The following DPH6 variants were observed in gnomAD, a reference collection of about 807,000 sequenced individuals.
DPH6 encodes diphthine--ammonia ligase.
A neutral mutation model predicts 38.2 loss-of-function variants in DPH6; 33 were observed. The observed-to-expected ratio is 0.86, with a 90% CI of 0.65 to 1.15. The LOEUF (loss-of-function observed/expected upper bound fraction) is 1.15, where lower values mean the gene tolerates loss of function less well. Ranked by LOEUF, DPH6 falls within the 50% of genes most tolerant of loss-of-function variation. The pLI is 0.00. For missense variants in DPH6, 325 were observed against 320.0 expected, an observed-to-expected ratio of 1.02 and a Z score of -0.12; for synonymous variants, 108 against 103.0, an observed-to-expected ratio of 1.05 and a Z score of -0.30.
chr15:35,238,147 T>G (rs1021421368), intron 3 of DPH6: 1 of 907,460 alleles, frequency 1.1e-6, no homozygotes, highest in Non-Finnish European at 1.7e-6. Flanking sequence ...TCCTGCCCCC[T>G]GAAACTTATT....
At chr15:35,502,631 TTACA>T (rs2054641852) in intron 3 of DPH6, among the ~76,000 whole-genome samples, 1 of 151,700 alleles carries the variant, frequency 6.6e-6, no homozygotes, top group Non-Finnish European at 1.5e-5. Context: ...GCTTTTTAAA[TTACA>T]TACAGAAAAA....
chr15:35,262,716 A>AAAAAAAAAAAAAAAG (rs2051756969), intron 3 of DPH6, among the ~76,000 whole-genome samples: 1 of 46,406 alleles, frequency 2.2e-5, no homozygotes, highest in African/African-American at 3.3e-5. Context: ...AAAAAAAAAA[A>AAAAAAAAAAAAAAAG]AAAAAAAAAA....
chr15:35,203,125 T>C, the DPH6 span, among the ~76,000 whole-genome samples: 1 of 151,940 alleles, frequency 6.6e-6, no homozygotes, highest in East Asian at 1.9e-4. Flanking sequence ...GAAACATTAC[T>C]AGTTTTTAAA....
At chr15:35,478,013 C>A (rs182584172) in intron 3 of DPH6, among the ~76,000 whole-genome samples, 1 of 151,872 alleles carries the variant, frequency 6.6e-6, no homozygotes, top group African/African-American at 2.4e-5. Context: ...AAATAGCACA[C>A]AGAGCAAACC....
At chr15:35,512,570 C>T (rs1296249177) in intron 3 of DPH6, among the ~76,000 whole-genome samples, 1 of 151,968 alleles carries the variant, frequency 6.6e-6, no homozygotes, top group African/African-American at 2.4e-5. Flanking sequence ...CACCTTATGC[C>T]TTGTATTACA....
At chr15:35,346,000 T>G (rs2052458679) in intron 3 of DPH6, among the ~76,000 whole-genome samples, 1 of 151,998 alleles carries the variant, frequency 6.6e-6, no homozygotes, top group South Asian at 2.1e-4. Flanking sequence ...ATAAGTAACT[T>G]CACAGAGTGT....
At chr15:35,175,307 G>A in the DPH6 span, among the ~76,000 whole-genome samples, 1 of 152,310 alleles carries the variant, frequency 6.6e-6, no homozygotes, top group East Asian at 1.9e-4. Context: ...TCGACTTTGA[G>A]AGGAAGGAAT....
chr15:35,386,327 T>G (rs1252975172), intron 6 of DPH6, among the ~76,000 whole-genome samples: 1 of 152,240 alleles, frequency 6.6e-6, no homozygotes, highest in Non-Finnish European at 1.5e-5. Flanking sequence ...TGTGTCTTTA[T>G]AGCAGCATGA....
In DPH6 at chr15:35,538,490, A is replaced by C. The variant is rs1479939050; in HGVS notation, c.119-23T>G. The C allele has an allele frequency of 2.1e-6, 3 of 1,459,272 alleles. No individual in the cohort carries two copies. The African/African-American group carries it at 4.2e-5, about 20-fold the overall frequency. 90.4% of individuals were successfully genotyped at this position (1,459,272 alleles called of 1,614,324 possible). On this transcript the variant is annotated intron_variant, in intron 2 of 8. Coordinates refer to ENST00000256538, the MANE Select transcript of DPH6 (RefSeq NM_080650.4). ...CCACTGCAACAATTAAAATGGAAATAATTAGCAAAAGAGAGTGAAAAAGAA... is the reference window on the plus strand; with the variant it reads ...CCACTGCAACAATTAAAATGGAAATCATTAGCAAAAGAGAGTGAAAAAGAA...
chr15:35,442,805 C>A (rs2053804763), intron 5 of DPH6, among the ~76,000 whole-genome samples: 2 of 152,026 alleles, frequency 1.3e-5, no homozygotes, highest in Non-Finnish European at 2.9e-5. Flanking sequence ...TATGAGATAT[C>A]CAGAATAGGC....
the DPH6 span, among the ~76,000 whole-genome samples, chr15:35,167,573 A>T: frequency 0.23 from 537 of 2,370 alleles, 4 homozygotes; most frequent in Middle Eastern, 0.5. Flanking sequence ...TCTTTTTTTT[A>T]AAAAAAAAAA....
At chr15:35,316,366 T>C (rs974630911) in intron 3 of DPH6, among the ~76,000 whole-genome samples, 1 of 152,072 alleles carries the variant, frequency 6.6e-6, no homozygotes, top group Non-Finnish European at 1.5e-5. Context: ...GATTAATATG[T>C]CAAAAATAGA....
chr15:35,302,278 A>G (rs947619477), intron 3 of DPH6, among the ~76,000 whole-genome samples: 1 of 152,152 alleles, frequency 6.6e-6, no homozygotes, highest in Non-Finnish European at 1.5e-5. Context: ...TCATCTGCCC[A>G]ATTACTAGCA....
At position 35,432,592 on chromosome 15, in the gene DPH6, GACAA is replaced by G. The variant is rs950401498; in HGVS notation, c.505+18089_505+18092del. Among the ~76,000 whole-genome samples, 6 of 152,030 alleles carry G rather than the reference GACAA, an allele frequency of 3.9e-5. No individual in the cohort carries two copies. In the East Asian group the frequency reaches 9.6e-4, roughly 24 times the overall value. On this transcript the variant is annotated intron_variant, in intron 5 of 8. Transcript: ENST00000256538. ...CAACAACAAAAAAATACACACATAA[GACAA>G]ACAAAGAAGTTTTCAGGCAAATTAC...
intron 3 of DPH6, among the ~76,000 whole-genome samples, chr15:35,457,211 T>C (rs1344130846): frequency 1.3e-5 from 2 of 152,128 alleles, no homozygotes; most frequent in Non-Finnish European, 2.9e-5. Flanking sequence ...CGCCTTGGCC[T>C]CCCAAAGTGC....
At chr15:35,198,033 A>G in the DPH6 span, among the ~76,000 whole-genome samples, 1 of 152,210 alleles carries the variant, frequency 6.6e-6, no homozygotes, top group Non-Finnish European at 1.5e-5. Context: ...ATATAAAAAA[A>G]AGAAAAACAA....
At chr15:35,430,846 A>G (rs747770617) in intron 5 of DPH6, among the ~76,000 whole-genome samples, 11 of 152,132 alleles carry the variant, frequency 7.2e-5, no homozygotes, top group Admixed American at 3.9e-4. Flanking sequence ...TCTTATCTGA[A>G]ATATCTTTAA....
intron 5 of DPH6, among the ~76,000 whole-genome samples, chr15:35,431,242 C>G (rs1459334580): frequency 6.6e-6 from 1 of 152,124 alleles, no homozygotes; most frequent in African/African-American, 2.4e-5. Context: ...TACCCCTATA[C>G]CTATCTAGCA....
downstream of DPH6, among the ~76,000 whole-genome samples, chr15:35,369,389 T>C (rs1262124559): frequency 1.3e-5 from 2 of 151,844 alleles, no homozygotes; most frequent in African/African-American, 4.8e-5. Context: ...CAATGTGATT[T>C]TGATAAAATA....
Sources: gnomAD v4.1 joint callset for allele counts (sites outside exome capture counted in the v4.1 genomes callset) on GRCh38, gnomAD v4.1.1 for gene constraint, MANE v1.5 for transcripts, NCBI Gene and HGNC (gene_info 2026-07-23, HGNC 2026-07-21) for gene names.